The following CADM2 variants were observed in gnomAD, a reference collection of about 807,000 sequenced individuals.
The protein encoded by CADM2 is immunoglobulin superfamily member 4D.
In CADM2, 12 loss-of-function variants were observed where a neutral mutation model predicts 49.8. That is an observed-to-expected ratio of 0.24 (90% CI 0.15 to 0.39). The LOEUF is 0.39. Among genes scored for constraint, CADM2 ranks in the 10% least tolerant of loss-of-function variants. The pLI, the probability that CADM2 is intolerant of heterozygous loss-of-function variation, is 1.00. For synonymous variants in CADM2, 214 were observed against 175.4 expected (o/e 1.22, Z -1.74); for missense variants, 378 against 492.3 (o/e 0.77, Z 2.20).
intron 6 of CADM2, among the ~76,000 whole-genome samples, chr3:85,918,243 G>A (rs1473068946): frequency 1.3e-5 from 2 of 152,248 alleles, no homozygotes; most frequent in East Asian, 3.9e-4. Context: ...GTTTTCAAAG[G>A]GAATGCTTCC....
At chr3:85,297,224 A>T (rs1343081167) in intron 1 of CADM2, among the ~76,000 whole-genome samples, 1 of 152,052 alleles carries the variant, frequency 6.6e-6, no homozygotes, top group Non-Finnish European at 1.5e-5. Flanking sequence ...GGGAAAGAGG[A>T]TTTACACCAC....
chr3:85,612,131 T>C (rs11917003), intron 1 of CADM2, among the ~76,000 whole-genome samples: 28,823 of 151,866 alleles, frequency 0.19, 3,397 homozygotes, highest in East Asian at 0.53. Flanking sequence ...AATAACAGTG[T>C]ATATTGATAA....
intron 1 of CADM2, among the ~76,000 whole-genome samples, chr3:85,624,257 A>T (rs553634923): frequency 6.6e-6 from 1 of 152,168 alleles, no homozygotes; most frequent in Non-Finnish European, 1.5e-5. Context: ...TTAACATAAT[A>T]TCTAGCCAGA....
chr3:85,613,920 T>C (rs1028017327), intron 1 of CADM2, among the ~76,000 whole-genome samples: 1 of 151,686 alleles, frequency 6.6e-6, no homozygotes, highest in Non-Finnish European at 1.5e-5. Flanking sequence ...TTTCTGTATC[T>C]AAAAATGACG....
chr3:85,102,642 C>T (rs1459178458), intron 1 of CADM2, among the ~76,000 whole-genome samples: 1 of 152,168 alleles, frequency 6.6e-6, no homozygotes, highest in Non-Finnish European at 1.5e-5. Context: ...TGATTTCTCA[C>T]ACTGACTTAG....
chr3:85,026,810 A>G (rs568184595), intron 1 of CADM2, among the ~76,000 whole-genome samples: 22 of 152,276 alleles, frequency 1.4e-4, no homozygotes, highest in African/African-American at 5.1e-4. Flanking sequence ...AAATTATGGT[A>G]TGTATGCAAC....
chr3:85,290,900 C>T (rs371578779), intron 1 of CADM2, among the ~76,000 whole-genome samples: 11 of 152,340 alleles, frequency 7.2e-5, no homozygotes, highest in African/African-American at 1.9e-4. Context: ...TCAAAAGGAA[C>T]GCAGTTCCTC....
intron 1 of CADM2, among the ~76,000 whole-genome samples, chr3:85,447,255 G>T (rs1039879442): frequency 1.3e-5 from 2 of 151,490 alleles, no homozygotes; most frequent in Non-Finnish European, 2.9e-5. Flanking sequence ...ACTTCCAGTG[G>T]ATATATGGAA....
chr3:85,139,952 A>G (rs778200831), intron 1 of CADM2, among the ~76,000 whole-genome samples: 1 of 152,126 alleles, frequency 6.6e-6, no homozygotes, highest in Non-Finnish European at 1.5e-5. Flanking sequence ...CAGAAAAGAG[A>G]GAAGACAGTG....
intron 1 of CADM2, 53 bp downstream of exon 1, chr3:84,959,721 TC>T: frequency 6.8e-7 from 1 of 1,473,866 alleles, no homozygotes; most frequent in South Asian, 1.2e-5. Flanking sequence ...TTCCCCATCT[TC>T]CCCATTCCAC....
intron 1 of CADM2, among the ~76,000 whole-genome samples, chr3:85,084,608 A>G (rs1328242601): frequency 6.6e-6 from 1 of 152,190 alleles, no homozygotes; most frequent in Non-Finnish European, 1.5e-5. Context: ...CACTGATTAC[A>G]TGGTGAAATG....
At chr3:85,242,808 T>A (rs2042561091) in intron 1 of CADM2, among the ~76,000 whole-genome samples, 1 of 151,836 alleles carries the variant, frequency 6.6e-6, no homozygotes, top group African/African-American at 2.4e-5. Context: ...TATTCCAGAT[T>A]TCATGTAGTT....
At chr3:85,813,448 C>T (rs1559676245) in intron 3 of CADM2, among the ~76,000 whole-genome samples, 1 of 151,954 alleles carries the variant, frequency 6.6e-6, no homozygotes, top group African/African-American at 2.4e-5. Flanking sequence ...TGGATATTAG[C>T]CCTTTGTCAG....
chr3:85,642,427 A>T (rs2064752667), intron 1 of CADM2, among the ~76,000 whole-genome samples: 1 of 152,198 alleles, frequency 6.6e-6, no homozygotes, highest in African/African-American at 2.4e-5. Flanking sequence ...TAAAAATGAA[A>T]GTAAATAAAA....
chr3:85,343,433 A>G (rs1425580005), intron 1 of CADM2, among the ~76,000 whole-genome samples: 1 of 152,096 alleles, frequency 6.6e-6, no homozygotes, highest in African/African-American at 2.4e-5. Flanking sequence ...ACTTTCTAGG[A>G]TTTTCCCCTC....
chr3:85,702,984 AG>A (rs1025504722), intron 1 of CADM2, among the ~76,000 whole-genome samples: 5 of 152,320 alleles, frequency 3.3e-5, no homozygotes, highest in South Asian at 4.1e-4. Context: ...CTATGAAACT[AG>A]GGTGCTCACT....
chr3:85,883,916 G>C (rs957633547), intron 4 of CADM2, among the ~76,000 whole-genome samples: 1 of 152,066 alleles, frequency 6.6e-6, no homozygotes, highest in Non-Finnish European at 1.5e-5. Context: ...TGTGTATTTA[G>C]TGCATTTAAA....
chr3:85,153,485 G>A (rs926201511), intron 1 of CADM2, among the ~76,000 whole-genome samples: 4 of 152,166 alleles, frequency 2.6e-5, no homozygotes, highest in East Asian at 1.9e-4. Context: ...AGATCAAACC[G>A]CAACAAAGCG....
chr3:84,971,619 G>A (rs778409177), intron 1 of CADM2, among the ~76,000 whole-genome samples: 7 of 151,842 alleles, frequency 4.6e-5, no homozygotes, highest in Non-Finnish European at 7.4e-5. Flanking sequence ...ACTTTATCTC[G>A]CTTTACCCAA....
Sources: gnomAD v4.1 joint callset for allele counts (sites outside exome capture counted in the v4.1 genomes callset) on GRCh38, gnomAD v4.1.1 for gene constraint, MANE v1.5 for transcripts, NCBI Gene and HGNC (gene_info 2026-07-23, HGNC 2026-07-21) for gene names.